AGBL4: variants seen among roughly 807,000 people sequenced by gnomAD.
AGBL4 encodes cytosolic carboxypeptidase 6.
In AGBL4, 58 loss-of-function variants were observed where a neutral mutation model predicts 66.4. That is an observed-to-expected ratio of 0.87 (90% CI 0.71 to 1.09). The LOEUF (loss-of-function observed/expected upper bound fraction) is 1.09, where lower values mean the gene tolerates loss of function less well. AGBL4 is among the 50% of genes least tolerant of loss of function. AGBL4 has a pLI of 0.00. For missense variants in AGBL4, 579 were observed against 631.0 expected (o/e 0.92, Z 0.88); for synonymous variants, 234 against 222.9 (o/e 1.05, Z -0.44).
At chr1:49,653,056 G>C (rs1264370940) in intron 3 of AGBL4, among the ~76,000 whole-genome samples, 1 of 152,140 alleles carries the variant, frequency 6.6e-6, no homozygotes, top group African/African-American at 2.4e-5. Context: ...TCATGCAGGA[G>C]CATTCCAGCC....
chr1:49,804,274 T>C (rs993803689), intron 2 of AGBL4, among the ~76,000 whole-genome samples: 1 of 152,206 alleles, frequency 6.6e-6, no homozygotes, highest in Non-Finnish European at 1.5e-5. Context: ...ATTACAAAAC[T>C]TATGCACGGA....
chr1:48,649,501 G>GTA (rs1480798810), intron 8 of AGBL4, among the ~76,000 whole-genome samples: 1 of 152,138 alleles, frequency 6.6e-6, no homozygotes, highest in Non-Finnish European at 1.5e-5. Context: ...ATAAACTTTA[G>GTA]TATAGGCTCT....
At chr1:49,954,161 C>T (rs1656395869) in intron 1 of AGBL4, among the ~76,000 whole-genome samples, 1 of 151,956 alleles carries the variant, frequency 6.6e-6, no homozygotes, top group South Asian at 2.1e-4. Context: ...TCCCAAAGTG[C>T]TGGGATTATA....
intron 1 of AGBL4, among the ~76,000 whole-genome samples, chr1:49,950,227 AG>A (rs1191088223): frequency 1.3e-5 from 2 of 150,096 alleles, no homozygotes; most frequent in Non-Finnish European, 3.0e-5. Flanking sequence ...TGCCATAAAA[AG>A]GAATGAACTA....
chr1:49,896,499 C>T (rs1226029245), intron 1 of AGBL4, among the ~76,000 whole-genome samples: 1 of 151,716 alleles, frequency 6.6e-6, no homozygotes, highest in Non-Finnish European at 1.5e-5. Flanking sequence ...GCACTAATAC[C>T]AATCCTACAC....
intron 3 of AGBL4, among the ~76,000 whole-genome samples, chr1:49,521,480 A>G (rs1159322429): frequency 6.6e-6 from 1 of 152,018 alleles, no homozygotes; most frequent in Admixed American, 6.6e-5. Flanking sequence ...AGAATAGAGA[A>G]CCTAGAATAA....
chr1:49,555,505 T>C (rs1653361645), intron 3 of AGBL4, among the ~76,000 whole-genome samples: 1 of 147,582 alleles, frequency 6.8e-6, no homozygotes, highest in Admixed American at 6.8e-5. Flanking sequence ...AGCTTTTGTG[T>C]CTAGCTAAAG....
intron 3 of AGBL4, among the ~76,000 whole-genome samples, chr1:49,262,107 A>G (rs1051256542): frequency 2.0e-5 from 3 of 152,154 alleles, no homozygotes; most frequent in Non-Finnish European, 4.4e-5. Flanking sequence ...GGCTAGCCAT[A>G]TGTAGAAAGC....
chr1:48,611,779 A>G (rs1164113446), intron 9 of AGBL4, among the ~76,000 whole-genome samples: 1 of 152,254 alleles, frequency 6.6e-6, no homozygotes, highest in Non-Finnish European at 1.5e-5. Flanking sequence ...CCACCAGGCA[A>G]CACTATATAT....
intron 3 of AGBL4, among the ~76,000 whole-genome samples, chr1:49,270,192 T>C (rs1397413881): frequency 6.6e-6 from 1 of 152,188 alleles, no homozygotes; most frequent in Non-Finnish European, 1.5e-5. Flanking sequence ...GTCTCTCTTC[T>C]CCCAGAAATA....
intron 5 of AGBL4, among the ~76,000 whole-genome samples, chr1:48,998,847 A>T (rs1426332343): frequency 6.6e-6 from 1 of 152,226 alleles, no homozygotes; most frequent in African/African-American, 2.4e-5. Flanking sequence ...ATAGGGAAAC[A>T]TACTTGAGAA....
chr1:48,877,397 G>A (rs1040074092), intron 5 of AGBL4, among the ~76,000 whole-genome samples: 7 of 152,044 alleles, frequency 4.6e-5, no homozygotes, highest in Non-Finnish European at 1.0e-4. Context: ...CTAGGTTAGC[G>A]ATGAGGCCCT....
At chr1:48,813,899 T>C (rs956950283) in intron 6 of AGBL4, among the ~76,000 whole-genome samples, 7 of 151,786 alleles carry the variant, frequency 4.6e-5, no homozygotes, top group Non-Finnish European at 1.0e-4. Context: ...AGGACCTTCA[T>C]TTTAGTTCAG....
chr1:48,555,719 G>C (rs529414068), intron 11 of AGBL4, among the ~76,000 whole-genome samples: 40 of 152,304 alleles, frequency 2.6e-4, no homozygotes, highest in Admixed American at 1.9e-3. Flanking sequence ...AGGGGACCCA[G>C]ACTGCAGACA....
intron 6 of AGBL4, among the ~76,000 whole-genome samples, chr1:48,721,198 C>G (rs1044854648): frequency 6.6e-6 from 1 of 152,040 alleles, no homozygotes; most frequent in Non-Finnish European, 1.5e-5. Flanking sequence ...ACTCTTTTCC[C>G]AGAGGTGGGA....
chr1:49,802,009 G>A (rs1305726742), intron 2 of AGBL4, among the ~76,000 whole-genome samples: 1 of 152,126 alleles, frequency 6.6e-6, no homozygotes, highest in Non-Finnish European at 1.5e-5. Flanking sequence ...CTATTGCTAT[G>A]GAATAAAAGA....
At chr1:49,600,238 G>A (rs1331824442) in intron 3 of AGBL4, among the ~76,000 whole-genome samples, 1 of 152,154 alleles carries the variant, frequency 6.6e-6, no homozygotes, top group African/African-American at 2.4e-5. Context: ...ATTATTGTGT[G>A]GGTGTCTAAG....
chr1:49,983,025 A>G (rs1054455890), intron 1 of AGBL4, among the ~76,000 whole-genome samples: 4 of 152,216 alleles, frequency 2.6e-5, no homozygotes, highest in Non-Finnish European at 4.4e-5. Context: ...CTATCTATCA[A>G]TAAAGCTCCT....
intron 2 of AGBL4, among the ~76,000 whole-genome samples, chr1:49,828,125 T>TAA (rs575921853): frequency 6.9e-6 from 1 of 144,600 alleles, no homozygotes; most frequent in African/African-American, 2.5e-5. Context: ...ACCAATGCAG[T>TAA]AAAAAAAAAA....
Sources: gnomAD v4.1 joint callset for allele counts (sites outside exome capture counted in the v4.1 genomes callset) on GRCh38, gnomAD v4.1.1 for gene constraint, MANE v1.5 for transcripts, NCBI Gene and HGNC (gene_info 2026-07-23, HGNC 2026-07-21) for gene names.